KCNA3: variants seen among roughly 807,000 people sequenced by gnomAD.
The protein encoded by KCNA3 is RP11-284N8.3.
Under a neutral mutation model 34.3 loss-of-function variants are expected in KCNA3, and 18 were observed. The ratio of observed to expected loss-of-function variants is 0.52; its 90% CI spans 0.36 to 0.78. The LOEUF (loss-of-function observed/expected upper bound fraction) is 0.78, where lower values mean the gene tolerates loss of function less well. KCNA3 is among the 30% of genes least tolerant of loss of function. KCNA3 has a pLI of 0.00. For synonymous variants in KCNA3, 324 were observed against 351.7 expected (o/e 0.92, Z 0.88); for missense variants, 587 against 802.5 (o/e 0.73, Z 3.24).
At chr1:110,660,683 A>G in the KCNA3 span, among the ~76,000 whole-genome samples, 1 of 152,196 alleles carries the variant, frequency 6.6e-6, no homozygotes, top group Admixed American at 6.5e-5. Flanking sequence ...AAATTTCCCA[A>G]ATTAAGACAA....
the KCNA3 span, chr1:110,655,087 C>G: frequency 6.6e-6 from 1 of 152,088 alleles, no homozygotes; most frequent in East Asian, 1.9e-4. Flanking sequence ...ATTCTTATAA[C>G]GTGTAGCATG....
At chr1:110,661,297 ACTAT>A in the KCNA3 span, among the ~76,000 whole-genome samples, 10 of 152,114 alleles carry the variant, frequency 6.6e-5, no homozygotes, top group Non-Finnish European at 1.2e-4. Flanking sequence ...CAATCAATTA[ACTAT>A]CTATTGAAAT....
chr1:110,660,665 C>T, the KCNA3 span, among the ~76,000 whole-genome samples: 1 of 152,086 alleles, frequency 6.6e-6, no homozygotes, highest in African/African-American at 2.4e-5. Context: ...CAGTTATGTA[C>T]CATTTTAAAA....
At position 110,673,854 on chromosome 1, in the gene KCNA3, C is replaced by T; in HGVS notation, c.956G>A (p.Ser319Asn). 6.2e-7 allele frequency: 1 copy of T among 1,614,090 alleles called. No individual in the cohort carries two copies. The highest frequency in any genetic ancestry group is 1.1e-5 in the South Asian group (1 of 91,078). The change falls in exon 1 of 1, where the codon AGC becomes AAC. Residue 319 changes from serine to asparagine, a missense_variant. This residue lies in a region of KCNA3 where 84 missense variants were observed against 223.1 expected (regional missense o/e 0.38). Coordinates refer to ENST00000369769, the MANE Select transcript of KCNA3 (RefSeq NM_002232.5). This position sits in a 1 kb window ranked among gnomAD's most constrained non-coding sequence, Gnocchi z 8.8. ...GATGTTTCGCGAGAAGGTGGCTTTGCTAGGACAAGCGAAGAACCGCACCAG... is the reference window on the plus strand; with the variant it reads ...GATGTTTCGCGAGAAGGTGGCTTTGTTAGGACAAGCGAAGAACCGCACCAG... ...ELLVRFFACP[S>N]KATFSRNIMN...
the KCNA3 span, among the ~76,000 whole-genome samples, chr1:110,660,282 T>C: frequency 6.6e-6 from 1 of 152,342 alleles, no homozygotes; most frequent in East Asian, 1.9e-4. Context: ...ATCTTGAAAT[T>C]TAGTCCAAAC....
chr1:110,663,135 TA>T, the KCNA3 span, among the ~76,000 whole-genome samples: 1 of 152,170 alleles, frequency 6.6e-6, no homozygotes, highest in Non-Finnish European at 1.5e-5. Context: ...CTTAAATGTC[TA>T]ATACCTTGAC....
the KCNA3 span, among the ~76,000 whole-genome samples, chr1:110,664,481 C>A: frequency 1.3e-5 from 2 of 152,134 alleles, no homozygotes; most frequent in East Asian, 3.9e-4. Flanking sequence ...GAACTGATTA[C>A]AAGGAATTTT....
At chr1:110,666,043 A>G in the KCNA3 span, among the ~76,000 whole-genome samples, 666 of 152,294 alleles carry the variant, frequency 4.4e-3, 6 homozygotes, top group South Asian at 0.011. Flanking sequence ...AATTAATCAT[A>G]TAACACAAAT....
chr1:110,673,199 C>G lies in KCNA3; in HGVS notation c.1611G>C (p.Met537Ile), dbSNP rs763699947. The stretch of plus-strand genomic sequence containing the variant: ...GGGTCTGGGGGAAAGCGCTATGGTT[C>G]ATACCCCCCTCTTCGATCACCATAT... ...SEYMVIEEGG[M>I]NHSAFPQTPF... Residue 537 changes from methionine (M) to isoleucine (I), a missense_variant, in exon 1 of 1, where the codon ATG (methionine) becomes ATC (isoleucine). This residue lies in a region of KCNA3 where 95 missense variants were observed against 107.3 expected (regional missense o/e 0.89). Coordinates refer to ENST00000369769, the MANE Select transcript of KCNA3 (RefSeq NM_002232.5). The surrounding 1 kb of genome is among the most constrained non-coding windows in gnomAD (Gnocchi z 8.8). 238 of 1,614,010 alleles carry G rather than the reference C, an allele frequency of 1.5e-4. No homozygotes were observed. Among genetic ancestry groups the G allele is most frequent in the Non-Finnish European group, 1.9e-4 (228 of 1,180,044 alleles).
Position 110,673,155 on chromosome 1 carries a change from G to C in KCNA3, c.1655C>G (p.Ser552Cys), listed in dbSNP as rs771014106. Residue 552 changes from serine (S) to cysteine (C), a missense_variant, in exon 1 of 1, where the codon TCC (serine) becomes TGC (cysteine). Around this residue, in one of 7 missense-constraint regions of KCNA3, gnomAD observed 95 missense variants for 107.3 expected, o/e 0.89. Transcript: ENST00000369769. This position sits in a 1 kb window ranked among gnomAD's most constrained non-coding sequence, Gnocchi z 8.8. Reference sequence around the variant, plus strand: ...ATTGTTCGTGGTGCAGGTGGCAGTGGAATTGCCCGTTTTGAAAGGGGTCTG... The same window carrying C: ...ATTGTTCGTGGTGCAGGTGGCAGTGCAATTGCCCGTTTTGAAAGGGGTCTG... ...FPQTPFKTGN[S>C]TATCTTNNNP... 8 of 1,614,012 alleles carry C rather than the reference G, an allele frequency of 5.0e-6. No individual in the cohort carries two copies. In the Admixed American group the frequency reaches 1.3e-4, roughly 27 times the overall value.
chr1:110,661,879 C>T, the KCNA3 span, among the ~76,000 whole-genome samples: 2 of 151,824 alleles, frequency 1.3e-5, no homozygotes, highest in African/African-American at 2.4e-5. Flanking sequence ...GAGGCCAACG[C>T]GGGCGGATCA....
At chr1:110,671,315 A>T (rs1051548544), downstream of KCNA3, among the ~76,000 whole-genome samples, 9 of 152,262 alleles carry the variant, frequency 5.9e-5, no homozygotes, top group Non-Finnish European at 1.3e-4. Flanking sequence ...GCAACATGGA[A>T]ATCAAATGAG....
downstream of KCNA3, among the ~76,000 whole-genome samples, chr1:110,670,143 A>G (rs1651831376): frequency 6.6e-6 from 1 of 152,208 alleles, no homozygotes; most frequent in Non-Finnish European, 1.5e-5. Context: ...ATATGACTGC[A>G]GAGCTTATGC....
At position 110,674,705 on chromosome 1, in the gene KCNA3, C is replaced by T; in HGVS notation, c.105G>A (p.Leu35=). Residue 35 remains leucine (L), a synonymous_variant, in exon 1 of 1, where the codon CTG becomes CTA. Transcript: ENST00000369769. The surrounding 1 kb of genome is among the most constrained non-coding windows in gnomAD (Gnocchi z 6.4). The part of the protein sequence containing the change: ...RPASSGGAHT[L]VNHGYAEPAA... ...CGGGCTCCGCGTAGCCGTGGTTCAC[C>T]AGCGTGTGGGCACCGCCGCTGCTCG... 6.7e-7 allele frequency: 1 copy of T among 1,488,410 alleles called. No homozygotes were observed. Among genetic ancestry groups the T allele is most frequent in the South Asian group, 1.3e-5 (1 of 75,758 alleles). The allele number at this position is 1,488,410 out of a possible 1,614,324, so 92.2% of individuals were successfully genotyped here. A position where few individuals can be genotyped will look rare whatever the true frequency, so the allele number is the denominator to read the frequency against.
In KCNA3 at chr1:110,674,611, C is replaced by CGGG. The variant is rs765034948; in HGVS notation, c.198_199insCCC (p.Val66_Ala67insPro). 8 of 1,562,934 alleles carry CGGG rather than the reference C, an allele frequency of 5.1e-6. No individual in the cohort carries two copies. The African/African-American group carries it at 1.1e-4, about 22-fold the overall frequency. On this transcript the variant is annotated inframe_insertion, in exon 1 of 1. Transcript: ENST00000369769. This position sits in a 1 kb window ranked among gnomAD's most constrained non-coding sequence, Gnocchi z 6.4. The stretch of plus-strand genomic sequence containing the variant: ...TGAGGCGGGGCCCCTCCACCATCGG[C>CGGG]CACCTCCGGCTCCAGCAGGTGGTCC...
chr1:110,674,923 G>T lies in KCNA3; in HGVS notation c.-114C>A. On this transcript the variant is annotated 5_prime_UTR_variant, in exon 1 of 1. Transcript: ENST00000369769. This position sits in a 1 kb window ranked among gnomAD's most constrained non-coding sequence, Gnocchi z 6.4. ...CACCGCCTGTTGCAGCCAAAGCCGC[G>T]ATGCTCTGTCTGGGTCTGGCGCGGT... The T allele has an allele frequency of 3.2e-6, 4 of 1,240,898 alleles. No homozygotes were observed. The highest frequency in any genetic ancestry group is 4.1e-6 in the Non-Finnish European group (4 of 985,522). 76.9% of individuals were successfully genotyped at this position (1,240,898 alleles called of 1,614,324 possible).
chr1:110,659,358 C>A, the KCNA3 span, among the ~76,000 whole-genome samples: 19 of 152,092 alleles, frequency 1.2e-4, no homozygotes, highest in African/African-American at 4.6e-4. Context: ...TTTATATGCA[C>A]GCATTATGAA....
At position 110,673,965 on chromosome 1, in the gene KCNA3, G is replaced by A. The variant is rs537630146; in HGVS notation, c.845C>T (p.Ser282Leu). 2.2e-5 allele frequency: 35 copies of A among 1,613,912 alleles called. No homozygotes were observed. The South Asian group carries it at 3.4e-4, about 16-fold the overall frequency. ...GCTGGAGGCTCCTGCGCGGGACCCCGACGTGCTGTTGCCGGCTGCTTCGAA... is the reference window on the plus strand; with the variant it reads ...GCTGGAGGCTCCTGCGCGGGACCCCAACGTGCTGTTGCCGGCTGCTTCGAA... ...DSFEAAGNST[S>L]GSRAGASSFS... Residue 282 changes from serine (S) to leucine (L), a missense_variant, in exon 1 of 1, where the codon TCG (serine) becomes TTG (leucine). Ser to Leu is a moderately radical substitution (Grantham distance 145). Around this residue, in one of 7 missense-constraint regions of KCNA3, gnomAD observed 50 missense variants for 45.3 expected, o/e 1.10. Transcript: ENST00000369769. The surrounding 1 kb of genome is among the most constrained non-coding windows in gnomAD (Gnocchi z 8.8).
At chr1:110,661,703 G>A in the KCNA3 span, among the ~76,000 whole-genome samples, 3 of 152,078 alleles carry the variant, frequency 2.0e-5, no homozygotes, top group Non-Finnish European at 4.4e-5. Context: ...GCCTCTCAAG[G>A]CTCTTGAGAT....
Sources: gnomAD v4.1 joint callset for allele counts (sites outside exome capture counted in the v4.1 genomes callset) on GRCh38, gnomAD v4.1.1 for gene constraint, gnomAD v4.1.1 regional missense constraint, Gnocchi (gnomAD v3.1) non-coding constraint, MANE v1.5 for transcripts, NCBI Gene and HGNC (gene_info 2026-07-23, HGNC 2026-07-21) for gene names.